SAXO1: variants seen among roughly 807,000 people sequenced by gnomAD.
SAXO1 encodes stabilizer of axonemal microtubules 1.
Under a neutral mutation model 17.5 loss-of-function variants are expected in SAXO1, and 21 were observed. The observed-to-expected ratio is 1.20, with a 90% confidence interval of 0.85 to 1.72. SAXO1 has a LOEUF of 1.72. Among genes scored for constraint, SAXO1 ranks in the 40% most tolerant of loss-of-function variants. The pLI is 0.00. For synonymous variants in SAXO1, 274 were observed against 216.5 expected (o/e 1.27, Z -2.33); for missense variants, 843 against 596.0 (o/e 1.41, Z -4.32).
At chr9:18,997,343 A>G (rs1401232517) in intron 1 of SAXO1, among the ~76,000 whole-genome samples, 1 of 152,370 alleles carries the variant, frequency 6.6e-6, no homozygotes, top group African/African-American at 2.4e-5. Flanking sequence ...TCTCACTGCT[A>G]GCGCAGCAGT....
intron 1 of SAXO1, among the ~76,000 whole-genome samples, chr9:18,951,247 C>T (rs1236509441): frequency 6.6e-6 from 1 of 152,032 alleles, no homozygotes; most frequent in Non-Finnish European, 1.5e-5. Context: ...TGGCTGTGTC[C>T]CCAAGCTCTC....
chr9:18,973,685 G>A (rs1421442241), intron 1 of SAXO1, among the ~76,000 whole-genome samples: 1 of 152,146 alleles, frequency 6.6e-6, no homozygotes, highest in African/African-American at 2.4e-5. Context: ...TGGTATCCCT[G>A]GTATCTGATC....
chr9:18,962,388 C>T (rs1366902099), intron 1 of SAXO1, among the ~76,000 whole-genome samples: 1 of 152,166 alleles, frequency 6.6e-6, no homozygotes, highest in Non-Finnish European at 1.5e-5. Flanking sequence ...ATTTGCATTT[C>T]TCTAATGACC....
chr9:18,963,323 T>A (rs1832568898), intron 1 of SAXO1, among the ~76,000 whole-genome samples: 1 of 152,230 alleles, frequency 6.6e-6, no homozygotes, highest in South Asian at 2.1e-4. Flanking sequence ...TAAAGTCGTT[T>A]TTTCTAATTC....
chr9:18,948,264 G>A (rs1831878680), intron 2 of SAXO1, among the ~76,000 whole-genome samples: 1 of 152,204 alleles, frequency 6.6e-6, no homozygotes, highest in Admixed American at 6.5e-5. Flanking sequence ...ACAGGGTTGA[G>A]AAATAATGAA....
chr9:18,951,027 T>A, intron 1 of SAXO1, 90 bp from the exon 2 acceptor site: 1 of 1,268,602 alleles, frequency 7.9e-7, no homozygotes, highest in Non-Finnish European at 1.1e-6. Context: ...TGACTCAGAC[T>A]GTAAAATCAT....
At chr9:18,934,071 A>G (rs1000025396) in intron 3 of SAXO1, among the ~76,000 whole-genome samples, 10 of 151,736 alleles carry the variant, frequency 6.6e-5, no homozygotes, top group African/African-American at 2.4e-4. Flanking sequence ...TAATAATAAT[A>G]ATGTCATTTT....
chr9:19,031,077 C>A (rs1835745248), intron 1 of SAXO1, among the ~76,000 whole-genome samples: 1 of 152,218 alleles, frequency 6.6e-6, no homozygotes, highest in Non-Finnish European at 1.5e-5. Flanking sequence ...AGAGAAGGAA[C>A]ACCCAAATGA....
chr9:19,022,840 T>A (rs1835305660), intron 1 of SAXO1, among the ~76,000 whole-genome samples: 2 of 152,212 alleles, frequency 1.3e-5, no homozygotes, highest in South Asian at 4.1e-4. Flanking sequence ...ACTTCAAAGT[T>A]ACTTTGAACA....
At chr9:18,938,830 G>GTGTGTA (rs1554667864) in intron 3 of SAXO1, among the ~76,000 whole-genome samples, 1 of 147,766 alleles carries the variant, frequency 6.8e-6, no homozygotes, top group African/African-American at 2.5e-5. Context: ...GCGTGTGTGT[G>GTGTGTA]TGTGTGTGTG....
At chr9:19,020,561 G>A (rs539913239) in intron 1 of SAXO1, among the ~76,000 whole-genome samples, 9 of 152,066 alleles carry the variant, frequency 5.9e-5, no homozygotes, top group Non-Finnish European at 1.2e-4. Flanking sequence ...GTTTCACCAT[G>A]CAGCCCAGGC....
At chr9:18,938,806 G>GTGCA (rs1191287850) in intron 3 of SAXO1, among the ~76,000 whole-genome samples, 4 of 144,084 alleles carry the variant, frequency 2.8e-5, no homozygotes, top group East Asian at 2.0e-4. Context: ...GTGTGGTGGG[G>GTGCA]TGCATGCGTG....
intron 1 of SAXO1, among the ~76,000 whole-genome samples, chr9:18,953,931 A>C (rs1832139732): frequency 6.6e-6 from 1 of 152,228 alleles, no homozygotes; most frequent in African/African-American, 2.4e-5. Context: ...TTAGTATCTA[A>C]AGAAAGTTTG....
intron 1 of SAXO1, among the ~76,000 whole-genome samples, chr9:18,970,048 TG>T (rs749849036): frequency 1.7e-4 from 26 of 152,202 alleles, no homozygotes; most frequent in East Asian, 9.6e-4. Context: ...AGCTTGGAGA[TG>T]GGGGTTGTAT....
In SAXO1 at chr9:18,928,188, T is replaced by C; in HGVS notation, c.1289A>G (p.Tyr430Cys). 1 of 1,614,210 alleles carries C rather than the reference T, an allele frequency of 6.2e-7. No individual in the cohort carries two copies. Among genetic ancestry groups the C allele is most frequent in the Non-Finnish European group, 8.5e-7 (1 of 1,180,032 alleles). Residue 430 changes from tyrosine (Y) to cysteine (C), a missense_variant, in exon 4 of 4, where the codon TAC (tyrosine) becomes TGC (cysteine). Physicochemically the swap from Tyr to Cys is radical, Grantham distance 194 (BLOSUM62 -2). Coordinates refer to ENST00000380534, the MANE Select transcript of SAXO1 (RefSeq NM_153707.4). ...CLASYPEPPG[Y>C]TFEEVDALGH... is the part of the protein sequence containing the mutation. ...CAAAGCATCCACTTCCTCAAAGGTG[T>C]AGCCAGGAGGCTCAGGATATGAAGC...
chr9:19,015,643 CTTTTTT>C (rs34096432), intron 1 of SAXO1, among the ~76,000 whole-genome samples: 1 of 142,266 alleles, frequency 7.0e-6, no homozygotes, highest in South Asian at 2.3e-4. Flanking sequence ...ACGCCTGGCC[CTTTTTT>C]TTTTTTTTTT....
At chr9:19,037,290 G>A (rs552989885), upstream of SAXO1, among the ~76,000 whole-genome samples, 1 of 152,242 alleles carries the variant, frequency 6.6e-6, no homozygotes, top group South Asian at 2.1e-4. Context: ...GACTTTGGAG[G>A]GACTGTTGGG....
At chr9:19,022,902 C>T (rs1265318596) in intron 1 of SAXO1, among the ~76,000 whole-genome samples, 6 of 152,016 alleles carry the variant, frequency 3.9e-5, no homozygotes, top group African/African-American at 1.2e-4. Flanking sequence ...GCAGGGAGTA[C>T]GTCTTTAATC....
chr9:18,965,216 G>A (rs999813660), intron 1 of SAXO1, among the ~76,000 whole-genome samples: 4 of 152,198 alleles, frequency 2.6e-5, no homozygotes, highest in African/African-American at 9.6e-5. Flanking sequence ...GTGGTGCTGA[G>A]AAGAATGTAT....
Sources: gnomAD v4.1 joint callset for allele counts (sites outside exome capture counted in the v4.1 genomes callset) on GRCh38, gnomAD v4.1.1 for gene constraint, MANE v1.5 for transcripts, NCBI Gene and HGNC (gene_info 2026-07-23, HGNC 2026-07-21) for gene names.